EMC3: variants seen among roughly 807,000 people sequenced by gnomAD.
EMC3 encodes the protein ER membrane protein complex subunit 3.
In EMC3, 13 loss-of-function variants were observed where a neutral mutation model predicts 36.6. The ratio of observed to expected loss-of-function variants is 0.35; its 90% CI spans 0.23 to 0.56. The LOEUF (loss-of-function observed/expected upper bound fraction) is 0.56. Ranked by LOEUF, EMC3 falls within the 20% of genes least tolerant of loss-of-function variation. The pLI, the probability that EMC3 is intolerant of heterozygous loss-of-function variation, is 0.84. For missense variants in EMC3, 220 were observed against 324.5 expected, an observed-to-expected ratio of 0.68 and a Z score of 2.47; for synonymous variants, 120 against 111.9, an observed-to-expected ratio of 1.07 and a Z score of -0.46.
At chr3:9,969,571 AAG>A (rs1491332721) in intron 7 of EMC3, 146 bp downstream of exon 7, 2 of 1,525,660 alleles carry the variant, frequency 1.3e-6, no homozygotes, top group Non-Finnish European at 8.8e-7. Flanking sequence ...TGTCTCAGGA[AAG>A]AGAGACGTGT....
upstream of EMC3, chr3:9,987,932 G>T: frequency 9.7e-7 from 1 of 1,028,554 alleles, no homozygotes; most frequent in South Asian, 1.3e-5. Context: ...GGGAGAAGTT[G>T]GATCCTGCAG....
chr3:9,980,625 T>C (rs1469591121), intron 1 of EMC3, among the ~76,000 whole-genome samples: 1 of 150,546 alleles, frequency 6.6e-6, no homozygotes, highest in Non-Finnish European at 1.5e-5. Context: ...TGGACTCTAG[T>C]GATCCACTTG....
chr3:10,000,098 C>T (rs765131610), intron 1 of EMC3, among the ~76,000 whole-genome samples: 11 of 151,924 alleles, frequency 7.2e-5, no homozygotes, highest in African/African-American at 9.7e-5. Flanking sequence ...AGTGCAGTGG[C>T]GCGATCTTGG....
At chr3:9,991,289 T>C (rs1238945721), upstream of EMC3, among the ~76,000 whole-genome samples, 1 of 152,042 alleles carries the variant, frequency 6.6e-6, no homozygotes, top group African/African-American at 2.4e-5. Context: ...TAAACTTAGG[T>C]AAACAAGCTA....
At chr3:9,975,942 A>T (rs1405561111) in intron 3 of EMC3, among the ~76,000 whole-genome samples, 1 of 152,024 alleles carries the variant, frequency 6.6e-6, no homozygotes, top group Non-Finnish European at 1.5e-5. Context: ...AAAATTTGTT[A>T]AAAAATTAAC....
chr3:9,971,166 G>A (rs570569093), intron 5 of EMC3, among the ~76,000 whole-genome samples: 5 of 152,110 alleles, frequency 3.3e-5, no homozygotes, highest in South Asian at 2.1e-4. Context: ...CAAGTGATCC[G>A]CCCACCTCAG....
intron 3 of EMC3, among the ~76,000 whole-genome samples, chr3:9,976,405 G>T (rs901800444): frequency 5.9e-5 from 9 of 152,126 alleles, no homozygotes; most frequent in Admixed American, 1.3e-4. Flanking sequence ...CACCACACCT[G>T]GCCTGTTTTA....
upstream of EMC3, chr3:9,987,296 C>T (rs1037168647): frequency 1.0e-6 from 1 of 985,162 alleles, no homozygotes; most frequent in Admixed American, 6.2e-5. Flanking sequence ...CGTAGTCTCT[C>T]GAGGCCCCGC....
chr3:9,986,002 A>G (rs17050675), intron 1 of EMC3, among the ~76,000 whole-genome samples: 34,907 of 152,136 alleles, frequency 0.23, 4,610 homozygotes, highest in African/African-American at 0.36. Flanking sequence ...TACATCTCTA[A>G]TGGCAGTTTT....
At chr3:9,988,180 A>G (rs1003110462), upstream of EMC3, among the ~76,000 whole-genome samples, 2 of 152,182 alleles carry the variant, frequency 1.3e-5, no homozygotes, top group African/African-American at 4.8e-5. Context: ...GTATGTGGCT[A>G]TGTATGTGTT....
At chr3:10,005,564 A>G (rs2086253903) in intron 1 of EMC3, among the ~76,000 whole-genome samples, 1 of 152,184 alleles carries the variant, frequency 6.6e-6, no homozygotes, top group Non-Finnish European at 1.5e-5. Flanking sequence ...GGAAGATACC[A>G]TGCCCCACCA....
chr3:9,974,792 T>C (rs1374834205), intron 3 of EMC3, among the ~76,000 whole-genome samples: 1 of 150,860 alleles, frequency 6.6e-6, no homozygotes, highest in Non-Finnish European at 1.5e-5. Flanking sequence ...TCTCCTGAAC[T>C]CGTGATCCGC....
At chr3:10,007,626 G>T in intron 1 of EMC3, 1 of 1,363,782 alleles carries the variant, frequency 7.3e-7, no homozygotes, top group Non-Finnish European at 9.8e-7. Context: ...CAGCAGCCCT[G>T]AGGGATGGAG....
At chr3:9,976,538 T>G (rs542655667) in intron 3 of EMC3, among the ~76,000 whole-genome samples, 2 of 152,322 alleles carry the variant, frequency 1.3e-5, no homozygotes, top group Non-Finnish European at 2.9e-5. Flanking sequence ...TGGCACATCT[T>G]GGAAGTACTG....
intron 5 of EMC3, among the ~76,000 whole-genome samples, chr3:9,973,002 G>A (rs1365749285): frequency 6.7e-6 from 1 of 149,526 alleles, no homozygotes; most frequent in African/African-American, 2.5e-5. Context: ...CTAACTTTTT[G>A]TATTTTTAGT....
chr3:10,003,208 C>A, intron 1 of EMC3: 1 of 456,712 alleles, frequency 2.2e-6, no homozygotes, highest in Non-Finnish European at 4.4e-6. Flanking sequence ...GTCCCTGACA[C>A]AGCAACAACC....
chr3:9,974,568 T>TG (rs1422529871), intron 3 of EMC3, 80 bp from the exon 4 acceptor site: 1 of 955,260 alleles, frequency 1.0e-6, no homozygotes, highest in Non-Finnish European at 1.6e-6. Flanking sequence ...CTGTAAACTG[T>TG]TTTTTTTTGA....
chr3:9,997,451 G>A (rs1160923845), intron 1 of EMC3, among the ~76,000 whole-genome samples: 1 of 152,006 alleles, frequency 6.6e-6, no homozygotes, highest in Non-Finnish European at 1.5e-5. Flanking sequence ...TCCATTCTTT[G>A]TTTTTGTTGT....
intron 1 of EMC3, chr3:10,008,395 A>C: frequency 7.3e-7 from 1 of 1,367,434 alleles, no homozygotes; most frequent in Non-Finnish European, 9.8e-7. Context: ...GGTCCTTTCA[A>C]GTGTCTACCT....
Sources: allele counts gnomAD v4.1 joint callset (sites outside exome capture counted in the v4.1 genomes callset), GRCh38; gene constraint gnomAD v4.1.1; transcripts MANE v1.5; gene names NCBI Gene and HGNC (gene_info 2026-07-23, HGNC 2026-07-21).